CDH12: variants seen among roughly 807,000 people sequenced by gnomAD.
CDH12 encodes cadherin 12.
CDH12 carries 41 observed loss-of-function variants against 74.1 expected under a neutral mutation model. The observed-to-expected ratio is 0.55, with a 90% CI of 0.43 to 0.72. The LOEUF (loss-of-function observed/expected upper bound fraction) is 0.72, where lower values mean the gene tolerates loss of function less well. Among genes scored for constraint, CDH12 ranks in the 30% least tolerant of loss-of-function variants. CDH12 has a pLI of 0.00. For missense variants in CDH12, 945 were observed against 977.2 expected (o/e 0.97, Z 0.44); for synonymous variants, 399 against 355.0 (o/e 1.12, Z -1.39).
chr5:22,315,204 TGCCC>T (rs1368396054), intron 3 of CDH12, among the ~76,000 whole-genome samples: 1 of 147,636 alleles, frequency 6.8e-6, no homozygotes, highest in Non-Finnish European at 1.5e-5. Flanking sequence ...CCTTGTGATC[TGCCC>T]GCCTCGGCCT....
chr5:22,372,164 C>T (rs979819811), intron 3 of CDH12, among the ~76,000 whole-genome samples: 1 of 152,040 alleles, frequency 6.6e-6, no homozygotes, highest in Non-Finnish European at 1.5e-5. Context: ...GGAGGGAAAT[C>T]CAACAAGGCT....
intron 1 of CDH12, among the ~76,000 whole-genome samples, chr5:22,714,663 A>G (rs1743477521): frequency 6.6e-6 from 1 of 152,194 alleles, no homozygotes; most frequent in Non-Finnish European, 1.5e-5. Flanking sequence ...AAACCTCATT[A>G]CTACCACATC....
intron 2 of CDH12, among the ~76,000 whole-genome samples, chr5:22,437,416 T>C (rs2126534319): frequency 6.6e-6 from 1 of 151,918 alleles, no homozygotes; most frequent in Admixed American, 6.6e-5. Context: ...ACAAACTATT[T>C]TTTTTCAACC....
chr5:22,088,564 C>T (rs1651767337), intron 4 of CDH12, among the ~76,000 whole-genome samples: 1 of 152,210 alleles, frequency 6.6e-6, no homozygotes, highest in African/African-American at 2.4e-5. Context: ...AGGGTCCCAA[C>T]TCCCAGTGTT....
At chr5:22,769,756 G>T (rs1350227652) in intron 1 of CDH12, among the ~76,000 whole-genome samples, 2 of 151,802 alleles carry the variant, frequency 1.3e-5, no homozygotes, top group Non-Finnish European at 1.5e-5. Flanking sequence ...GGGGAGTGGG[G>T]TGGGTAACCA....
At position 22,793,558 on chromosome 5, in the gene CDH12, T is replaced by C. The variant is rs1448488645; in HGVS notation, c.-523+59500A>G. Among the ~76,000 whole-genome samples the C allele has an allele frequency of 2.0e-5, 3 of 152,190 alleles. No homozygotes were observed. In the East Asian group the frequency reaches 5.8e-4, roughly 29 times the overall value. ...TACATTTTATCATAAACTTCTACAA[T>C]TATATGTCTTAGTCACCAGGAGCTT... On this transcript the variant is annotated intron_variant, in intron 1 of 14. Coordinates refer to ENST00000382254, the MANE Select transcript of CDH12 (RefSeq NM_004061.5).
Position 22,759,064 on chromosome 5 carries a change from T to TG in CDH12, c.-523+93993dup, listed in dbSNP as rs538103668. On this transcript the variant is annotated intron_variant, in intron 1 of 14. Coordinates refer to ENST00000382254, the MANE Select transcript of CDH12 (RefSeq NM_004061.5). The stretch of plus-strand genomic sequence containing the variant: ...CTTGGCTAAGATACCATATGAAAGG[T>TG]GAATACACACAGACCCAAACAAGTC... 4.4e-3 allele frequency among the ~76,000 whole-genome samples: 664 copies of TG among 152,194 alleles called. 4 individuals are homozygous for TG. The highest frequency in any genetic ancestry group is 6.9e-3 in the Non-Finnish European group (466 of 68,014).
rs1248526070 is a variant in CDH12, at chr5:22,028,360, C to T, written c.231+50086G>A. ...ATGACATGATTGTATATCTAGAAAA[C>T]CCCATTGTCTCAGCCCAAAATCTCC... is the stretch of plus-strand genomic sequence containing the variant. On this transcript the variant is annotated intron_variant, in intron 5 of 14. Transcript: ENST00000382254. 2.0e-5 allele frequency among the ~76,000 whole-genome samples: 3 copies of T among 152,030 alleles called. No homozygotes were observed. In the East Asian group the frequency reaches 5.8e-4, roughly 29 times the overall value.
intron 6 of CDH12, among the ~76,000 whole-genome samples, chr5:21,969,764 T>A (rs1396771127): frequency 2.0e-5 from 3 of 152,130 alleles, no homozygotes; most frequent in Admixed American, 6.5e-5. Flanking sequence ...ATAGATAAGT[T>A]ATATACAACC....
chr5:22,201,195 A>C (rs1750906792), intron 4 of CDH12, among the ~76,000 whole-genome samples: 1 of 152,194 alleles, frequency 6.6e-6, no homozygotes, highest in African/African-American at 2.4e-5. Flanking sequence ...CCTCACATTG[A>C]AATGGATGCA....
intron 10 of CDH12, among the ~76,000 whole-genome samples, chr5:21,784,795 T>G (rs1035468798): frequency 6.6e-6 from 1 of 152,192 alleles, no homozygotes; most frequent in African/African-American, 2.4e-5. Context: ...AGCTGATTAT[T>G]TGAAACTGTA....
At chr5:21,830,199 CAAAAAAAAAAAAA>C (rs1055199877) in intron 8 of CDH12, among the ~76,000 whole-genome samples, 21 of 25,234 alleles carry the variant, frequency 8.3e-4, no homozygotes, top group East Asian at 5.8e-3. Context: ...AACTCCTTCT[CAAAAAAAAAAAAA>C]AAAAAAAAAA....
chr5:22,122,496 C>G (rs1332037281), intron 4 of CDH12, among the ~76,000 whole-genome samples: 1 of 151,896 alleles, frequency 6.6e-6, no homozygotes, highest in African/African-American at 2.4e-5. Context: ...CTCCTATTTC[C>G]CTTATTCCTC....
At chr5:21,882,627 T>C (rs1752416903) in intron 6 of CDH12, 1 of 1,605,694 alleles carries the variant, frequency 6.2e-7, no homozygotes, top group African/African-American at 1.3e-5. Context: ...ATGAGACCAG[T>C]GTCCAGGGTA....
chr5:22,244,743 A>AGAAAGAAG, intron 3 of CDH12, among the ~76,000 whole-genome samples: 1 of 22,632 alleles, frequency 4.4e-5, no homozygotes, highest in Non-Finnish European at 1.6e-4. Flanking sequence ...AAGAAAGAAA[A>AGAAAGAAG]GAAAGAAAGA....
At chr5:22,625,317 G>A (rs991060803) in intron 1 of CDH12, among the ~76,000 whole-genome samples, 1 of 151,900 alleles carries the variant, frequency 6.6e-6, no homozygotes, top group Non-Finnish European at 1.5e-5. Context: ...ATGAATATAT[G>A]AATAAATAAA....
At chr5:22,407,658 C>T (rs186733756) in intron 2 of CDH12, among the ~76,000 whole-genome samples, 376 of 152,200 alleles carry the variant, frequency 2.5e-3, no homozygotes, top group African/African-American at 8.6e-3. Context: ...CAGCTACCTG[C>T]ATAATGAGTT....
rs777806564 is a variant in CDH12 at position 21,802,392 on chromosome 5, T to A, written c.1031A>T (p.Tyr344Phe). Reference sequence around the variant, plus strand: ...GTTGGAAGCCTCAACTTTGAAAGTGTATGCCTTCTTTGTTTCAAAATCTAA... The same window carrying A: ...GTTGGAAGCCTCAACTTTGAAAGTGAATGCCTTCTTTGTTTCAAAATCTAA... Reference protein sequence around the residue: ...KPLDFETKKAYTFKVEASNLH... With the variant: ...KPLDFETKKAFTFKVEASNLH... Residue 344 changes from tyrosine (Y) to phenylalanine (F), a missense_variant, in exon 10 of 15, where the codon TAC becomes TTC. Tyr to Phe is a conservative substitution (Grantham distance 22). Coordinates refer to ENST00000382254, the MANE Select transcript of CDH12 (RefSeq NM_004061.5). 6.8e-6 allele frequency: 11 copies of A among 1,613,746 alleles called. 1 individual carries two copies. The South Asian group carries it at 1.1e-4, about 16-fold the overall frequency.
chr5:22,763,281 T>C (rs901699508), intron 1 of CDH12, among the ~76,000 whole-genome samples: 4 of 151,890 alleles, frequency 2.6e-5, no homozygotes, highest in Non-Finnish European at 5.9e-5. Context: ...TGGGACAGTA[T>C]ATTATTATGT....
Sources: allele counts gnomAD v4.1 joint callset (sites outside exome capture counted in the v4.1 genomes callset), GRCh38; gene constraint gnomAD v4.1.1; transcripts MANE v1.5; gene names NCBI Gene and HGNC (gene_info 2026-07-23, HGNC 2026-07-21).